The following ZFHX3 variants were observed in gnomAD, a reference collection of about 807,000 sequenced individuals.
ZFHX3 encodes zinc finger homeobox 3.
Under a neutral mutation model 279.1 loss-of-function variants are expected in ZFHX3, and 42 were observed. The observed-to-expected ratio is 0.15, with a 90% confidence interval of 0.12 to 0.19. The LOEUF (loss-of-function observed/expected upper bound fraction) is 0.19. Among genes scored for constraint, ZFHX3 ranks in the 10% least tolerant of loss-of-function variants. The pLI is 1.00. For synonymous variants in ZFHX3, 2,293 were observed against 1,957.8 expected (o/e 1.17, Z -4.52); for missense variants, 4,981 against 4,754.0 (o/e 1.05, Z -1.40).
chr16:73,708,247 T>G (rs1344534332), intron 1 of ZFHX3, among the ~76,000 whole-genome samples: 1 of 152,226 alleles, frequency 6.6e-6, no homozygotes, highest in Non-Finnish European at 1.5e-5. Flanking sequence ...GATCTTTTAA[T>G]CTTACTAAAT....
intron 2 of ZFHX3, among the ~76,000 whole-genome samples, chr16:73,522,180 T>C (rs928113723): frequency 6.6e-6 from 1 of 152,186 alleles, no homozygotes; most frequent in East Asian, 1.9e-4. Context: ...AAAAAATTAA[T>C]TGTGAAAAAT....
At chr16:73,607,663 T>C (rs1269805207) in intron 2 of ZFHX3, among the ~76,000 whole-genome samples, 1 of 152,188 alleles carries the variant, frequency 6.6e-6, no homozygotes, top group East Asian at 1.9e-4. Flanking sequence ...TTATTATGAA[T>C]ACTACTACTT....
At chr16:73,454,884 A>G (rs2143567476) in intron 3 of ZFHX3, among the ~76,000 whole-genome samples, 1 of 151,914 alleles carries the variant, frequency 6.6e-6, no homozygotes, top group South Asian at 2.1e-4. Context: ...GAAAGCTAGG[A>G]TATTCAAGTA....
At chr16:73,357,680 T>C (rs1037536779) in intron 3 of ZFHX3, among the ~76,000 whole-genome samples, 1 of 152,122 alleles carries the variant, frequency 6.6e-6, no homozygotes, top group African/African-American at 2.4e-5. Flanking sequence ...AGTGGTAGGG[T>C]TCAGGCTGTA....
At chr16:73,155,181 A>AAC (rs199877835) in intron 5 of ZFHX3, among the ~76,000 whole-genome samples, 99 of 56,062 alleles carry the variant, frequency 1.8e-3, no homozygotes, top group Non-Finnish European at 3.1e-3. Flanking sequence ...TCAAAAAAAC[A>AAC]AAAAAAAAAA....
intron 2 of ZFHX3, among the ~76,000 whole-genome samples, chr16:73,620,388 C>T (rs182376776): frequency 3.9e-5 from 6 of 152,176 alleles, no homozygotes; most frequent in African/African-American, 7.2e-5. Context: ...AAGGTTTTGA[C>T]GACATTTCCA....
At chr16:73,056,214 A>C (rs536011175) in intron 1 of ZFHX3, among the ~76,000 whole-genome samples, 3 of 152,238 alleles carry the variant, frequency 2.0e-5, no homozygotes, top group African/African-American at 7.2e-5. Flanking sequence ...CTATTTCAAA[A>C]TCATCTCCAA....
chr16:73,511,524 G>C (rs1355175554), intron 2 of ZFHX3, among the ~76,000 whole-genome samples: 2 of 152,170 alleles, frequency 1.3e-5, no homozygotes, highest in Non-Finnish European at 2.9e-5. Context: ...ACAGCCTTAG[G>C]AAACGGTCAT....
chr16:73,446,898 A>T (rs2018195884), intron 3 of ZFHX3, among the ~76,000 whole-genome samples: 2 of 152,108 alleles, frequency 1.3e-5, no homozygotes, highest in South Asian at 4.2e-4. Flanking sequence ...AAAACAAAAA[A>T]GGCTGGGCAC....
intron 3 of ZFHX3, among the ~76,000 whole-genome samples, chr16:73,428,363 A>T (rs563280312): frequency 1.3e-5 from 2 of 152,110 alleles, no homozygotes; most frequent in Non-Finnish European, 2.9e-5. Context: ...TGAGCTTCCC[A>T]TTCTGGCAGC....
chr16:73,019,921 A>T (rs1336964435), intron 1 of ZFHX3, among the ~76,000 whole-genome samples: 2 of 152,202 alleles, frequency 1.3e-5, no homozygotes, highest in Admixed American at 6.5e-5. Context: ...GTTTTTAAAA[A>T]ATGTCTGTTC....
intron 1 of ZFHX3, among the ~76,000 whole-genome samples, chr16:73,817,350 C>T (rs1451325416): frequency 6.6e-6 from 1 of 152,154 alleles, no homozygotes; most frequent in Admixed American, 6.5e-5. Flanking sequence ...GGGCGAAAAG[C>T]AGCAGTTTGC....
chr16:73,587,457 G>A (rs1395703777), intron 2 of ZFHX3, among the ~76,000 whole-genome samples: 1 of 152,152 alleles, frequency 6.6e-6, no homozygotes, highest in African/African-American at 2.4e-5. Flanking sequence ...TTGCCAAAAT[G>A]CTTTTAGTTG....
chr16:73,465,493 C>A lies in ZFHX3; in HGVS notation c.-1546-9235G>T, dbSNP rs78242379. ...GGTGCCTCTGAGGTCTCACTGGAGA[C>A]TGGAACGTCCTCCTTACCTGCTCCT... is the stretch of plus-strand genomic sequence containing the variant. On this transcript the variant is annotated intron_variant, in intron 2 of 17. Transcript: ENST00000641206. Among the ~76,000 whole-genome samples, 440 of 152,160 alleles carry A rather than the reference C, an allele frequency of 2.9e-3. 1 individual carries two copies. The highest frequency in any genetic ancestry group is 0.01 in the African/African-American group (422 of 41,458).
chr16:73,808,144 G>C (rs1217277263), intron 1 of ZFHX3, among the ~76,000 whole-genome samples: 1 of 152,026 alleles, frequency 6.6e-6, no homozygotes, highest in Non-Finnish European at 1.5e-5. Flanking sequence ...TTCCCTCCTG[G>C]GAACACTCCA....
chr16:73,178,162 T>C lies in ZFHX3; in HGVS notation c.-1103-34331A>G, dbSNP rs563251941. ...CTAAATGTGGATGACTTTTTCTTTT[T>C]TTTTTGAGACAGGGTCTCACTCCGG... is the stretch of plus-strand genomic sequence containing the variant. On this transcript the variant is annotated intron_variant, in intron 5 of 17. Coordinates refer to the ZFHX3 transcript ENST00000641206. 3.9e-5 allele frequency among the ~76,000 whole-genome samples: 6 copies of C among 152,248 alleles called. No individual in the cohort carries two copies. The South Asian group carries it at 1.2e-3, about 32-fold the overall frequency.
At chr16:73,182,539 G>T (rs900465484) in intron 5 of ZFHX3, among the ~76,000 whole-genome samples, 1 of 152,070 alleles carries the variant, frequency 6.6e-6, no homozygotes, top group Non-Finnish European at 1.5e-5. Context: ...CCACTACTGG[G>T]TATCTACCCA....
At chr16:73,110,034 A>T (rs1037234219) in intron 7 of ZFHX3, among the ~76,000 whole-genome samples, 1 of 151,824 alleles carries the variant, frequency 6.6e-6, no homozygotes, top group Non-Finnish European at 1.5e-5. Flanking sequence ...AGGTCAGGAG[A>T]TCGAGACCAT....
At position 73,019,343 on chromosome 16, in the gene ZFHX3, CGTGTGTGTGT is replaced by C. The variant is rs112184906; in HGVS notation, c.-50+28399_-50+28408del. Reference sequence around the variant, plus strand: ...CAGCGTGTGCGTGTGTGTGTCTGTGCGTGTGTGTGTGTGTGTGTGTGTGTGCGTGTGCGTG... The same window carrying C: ...CAGCGTGTGCGTGTGTGTGTCTGTGCGTGTGTGTGTGTGTGCGTGTGCGTG... On this transcript the variant is annotated intron_variant, in intron 1 of 9. Coordinates refer to ENST00000268489, the MANE Select transcript of ZFHX3 (RefSeq NM_006885.4). 2.0e-5 allele frequency among the ~76,000 whole-genome samples: 3 copies of C among 150,170 alleles called. No homozygotes were observed. In the South Asian group the frequency reaches 6.4e-4, roughly 32 times the overall value.
Sources: gnomAD v4.1 joint callset for allele counts (sites outside exome capture counted in the v4.1 genomes callset) on GRCh38, gnomAD v4.1.1 for gene constraint, MANE v1.5 for transcripts, NCBI Gene and HGNC (gene_info 2026-07-23, HGNC 2026-07-21) for gene names.